The following ELAVL4 variants were observed in gnomAD, a reference collection of about 807,000 sequenced individuals.
ELAVL4 encodes ELAV-like protein 4.
Under a neutral mutation model 35.6 loss-of-function variants are expected in ELAVL4, and 1 was observed. That is an observed-to-expected ratio of 0.03 (90% CI 0.01 to 0.13). ELAVL4 has a LOEUF of 0.13. ELAVL4 is among the 10% of genes least tolerant of loss of function. The pLI is 1.00. For synonymous variants in ELAVL4, 156 were observed against 171.0 expected (o/e 0.91, Z 0.69); for missense variants, 267 against 464.9 (o/e 0.57, Z 3.91).
intron 1 of ELAVL4, among the ~76,000 whole-genome samples, chr1:50,091,385 A>G (rs927885981): frequency 2.6e-5 from 4 of 152,192 alleles, no homozygotes; most frequent in Non-Finnish European, 4.4e-5. Flanking sequence ...GAGGCTATTT[A>G]GAAAGTTCTC....
chr1:50,070,278 C>T (rs561740695), intron 1 of ELAVL4, among the ~76,000 whole-genome samples: 1 of 152,274 alleles, frequency 6.6e-6, no homozygotes, highest in South Asian at 2.1e-4. Context: ...CTGAAGACTG[C>T]ATTTATTTTC....
chr1:50,107,577 A>G (rs1218698839), upstream of ELAVL4, among the ~76,000 whole-genome samples: 1 of 152,186 alleles, frequency 6.6e-6, no homozygotes, highest in Non-Finnish European at 1.5e-5. Flanking sequence ...TTTGAAACCC[A>G]GAAATATAGC....
upstream of ELAVL4, chr1:50,104,096 G>C: frequency 7.2e-7 from 1 of 1,388,710 alleles, no homozygotes; most frequent in Admixed American, 1.7e-5. Context: ...ACAAGACTAT[G>C]GGTCCTTAAA....
At chr1:50,131,195 AAATT>A (rs1490756232) in intron 1 of ELAVL4, among the ~76,000 whole-genome samples, 3 of 152,176 alleles carry the variant, frequency 2.0e-5, no homozygotes, top group Non-Finnish European at 4.4e-5. Flanking sequence ...GGGACATAGT[AAATT>A]AATTCTAAAA....
At chr1:50,160,971 C>T (rs1676702378) in intron 2 of ELAVL4, among the ~76,000 whole-genome samples, 1 of 152,154 alleles carries the variant, frequency 6.6e-6, no homozygotes, top group Non-Finnish European at 1.5e-5. Context: ...ACAGACATTT[C>T]ACCCACAGAA....
intron 1 of ELAVL4, among the ~76,000 whole-genome samples, chr1:50,050,522 GTAC>G (rs1663296582): frequency 6.6e-6 from 1 of 152,158 alleles, no homozygotes; most frequent in Admixed American, 6.5e-5. Flanking sequence ...GATGTGTTAA[GTAC>G]ATGCCTTTGG....
At chr1:50,136,473 G>A (rs1450629997) in intron 1 of ELAVL4, among the ~76,000 whole-genome samples, 1 of 151,976 alleles carries the variant, frequency 6.6e-6, no homozygotes, top group Non-Finnish European at 1.5e-5. Flanking sequence ...GACTGCCCTT[G>A]GTAAACATTA....
At chr1:50,165,952 T>G (rs1412672216) in intron 2 of ELAVL4, among the ~76,000 whole-genome samples, 2 of 151,934 alleles carry the variant, frequency 1.3e-5, no homozygotes, top group African/African-American at 4.8e-5. Flanking sequence ...ACAGAAGAAC[T>G]TGGAGTCCGA....
At chr1:50,101,125 C>A (rs1372444644), upstream of ELAVL4, among the ~76,000 whole-genome samples, 2 of 151,962 alleles carry the variant, frequency 1.3e-5, no homozygotes, top group Non-Finnish European at 2.9e-5. Context: ...TTGAATCAAA[C>A]AAAATGGGCC....
chr1:50,097,645 A>C (rs2148510758), intron 1 of ELAVL4, among the ~76,000 whole-genome samples: 1 of 152,276 alleles, frequency 6.6e-6, no homozygotes, highest in Admixed American at 6.5e-5. Flanking sequence ...ACATGCACTA[A>C]GCACCTACTG....
intron 3 of ELAVL4, among the ~76,000 whole-genome samples, chr1:50,186,521 G>T (rs953660812): frequency 3.9e-5 from 6 of 152,102 alleles, no homozygotes; most frequent in Non-Finnish European, 7.4e-5. Context: ...GGAGAGGAGA[G>T]TCATTTGTGC....
intron 1 of ELAVL4, among the ~76,000 whole-genome samples, chr1:50,066,605 A>G (rs1664276586): frequency 6.6e-6 from 1 of 152,168 alleles, no homozygotes; most frequent in Non-Finnish European, 1.5e-5. Context: ...TTAAAATATA[A>G]TTAGACTCAT....
intron 1 of ELAVL4, among the ~76,000 whole-genome samples, chr1:50,097,092 G>A (rs1260042259): frequency 6.6e-6 from 1 of 152,000 alleles, no homozygotes; most frequent in Non-Finnish European, 1.5e-5. Flanking sequence ...TTGGGGAAAA[G>A]GCCTGTAGTC....
intron 1 of ELAVL4, chr1:50,109,896 C>T (rs1666763308): frequency 2.5e-6 from 4 of 1,611,042 alleles, no homozygotes; most frequent in Non-Finnish European, 3.4e-6. Flanking sequence ...CGTTCCTTTC[C>T]GCTTTTGACA....
chr1:50,168,648 C>T (rs1678396391), intron 2 of ELAVL4, among the ~76,000 whole-genome samples: 1 of 152,104 alleles, frequency 6.6e-6, no homozygotes, highest in African/African-American at 2.4e-5. Flanking sequence ...TCAAAGGTAT[C>T]ATGTATAGAG....
At chr1:50,098,454 G>T (rs934395595) in intron 1 of ELAVL4, among the ~76,000 whole-genome samples, 4 of 152,150 alleles carry the variant, frequency 2.6e-5, no homozygotes, top group Admixed American at 2.6e-4. Flanking sequence ...CATCATTGTG[G>T]TTACCTCATA....
intron 1 of ELAVL4, among the ~76,000 whole-genome samples, chr1:50,079,929 CCT>C (rs1022202582): frequency 6.6e-6 from 1 of 152,094 alleles, no homozygotes; most frequent in African/African-American, 2.4e-5. Flanking sequence ...CACCCTTCTC[CCT>C]CTCTCTTTTG....
At chr1:50,098,262 C>T (rs72907731) in intron 1 of ELAVL4, among the ~76,000 whole-genome samples, 1,614 of 152,236 alleles carry the variant, frequency 0.011, 24 homozygotes, top group African/African-American at 0.037. Context: ...GGAGGAATAG[C>T]AAGTGGTTAG....
intron 1 of ELAVL4, among the ~76,000 whole-genome samples, chr1:50,141,270 T>C (rs2148674970): frequency 6.6e-6 from 1 of 152,300 alleles, no homozygotes. Context: ...GGATATTTTC[T>C]AGGTGTTTGT....
Sources: allele counts gnomAD v4.1 joint callset (sites outside exome capture counted in the v4.1 genomes callset), GRCh38; gene constraint gnomAD v4.1.1; transcripts MANE v1.5; gene names NCBI Gene and HGNC (gene_info 2026-07-23, HGNC 2026-07-21).